RIMS2: variants seen among roughly 807,000 people sequenced by gnomAD.
RIMS2 encodes the protein regulating synaptic membrane exocytosis protein 2.
RIMS2 carries 59 observed loss-of-function variants against 174.4 expected under a neutral mutation model. That is an observed-to-expected ratio of 0.34 (90% confidence interval 0.27 to 0.42). RIMS2 has a LOEUF of 0.42. RIMS2 is among the 10% of genes least tolerant of loss of function. The probability of loss-of-function intolerance (pLI) is 1.00; values close to 1 mark genes in which losing one functional copy is unlikely to be tolerated. For synonymous variants in RIMS2, 606 were observed against 572.5 expected, an observed-to-expected ratio of 1.06 and a Z score of -0.84; for missense variants, 1,620 against 1,666.3, an observed-to-expected ratio of 0.97 and a Z score of 0.48.
chr8:104,009,977 TATGGATGGATAGATGG>T (rs977350280), intron 17 of RIMS2, among the ~76,000 whole-genome samples: 11 of 109,790 alleles, frequency 1.0e-4, no homozygotes, highest in South Asian at 3.4e-4. Flanking sequence ...TTGTGAAAGA[TATGGATGGATAGATGG>T]ATGGATGGAT....
intron 1 of RIMS2, among the ~76,000 whole-genome samples, chr8:103,516,667 A>ACTTTG (rs1455668723): frequency 5.3e-5 from 8 of 152,186 alleles, no homozygotes; most frequent in African/African-American, 1.9e-4. Context: ...TAGTATTCCT[A>ACTTTG]CATACTTTAT....
At chr8:103,833,271 C>T (rs1205290800) in intron 3 of RIMS2, among the ~76,000 whole-genome samples, 1 of 151,922 alleles carries the variant, frequency 6.6e-6, no homozygotes, top group East Asian at 1.9e-4. Flanking sequence ...AATTTGTTTT[C>T]TTTGGTTTCC....
At chr8:103,826,719 A>G (rs1009718759) in intron 3 of RIMS2, among the ~76,000 whole-genome samples, 1 of 150,076 alleles carries the variant, frequency 6.7e-6, no homozygotes, top group East Asian at 1.9e-4. Context: ...ATATACATAT[A>G]TATACTCTCT....
At chr8:104,054,434 T>C (rs2096837099) in intron 19 of RIMS2, among the ~76,000 whole-genome samples, 1 of 152,160 alleles carries the variant, frequency 6.6e-6, no homozygotes, top group Admixed American at 6.5e-5. Context: ...TTTCCTTTTT[T>C]CATTAAAAAT....
At chr8:103,568,476 C>G (rs2092555267) in intron 1 of RIMS2, 1 of 259,832 alleles carries the variant, frequency 3.8e-6, no homozygotes, top group African/African-American at 2.2e-5. Flanking sequence ...GGCTTACCAT[C>G]TAAATCTGAG....
At chr8:104,204,020 A>G (rs2099068095) in intron 19 of RIMS2, among the ~76,000 whole-genome samples, 2 of 152,336 alleles carry the variant, frequency 1.3e-5, no homozygotes, top group South Asian at 4.1e-4. Context: ...CCATGTGGCT[A>G]TAGCAGAAAT....
intron 19 of RIMS2, among the ~76,000 whole-genome samples, chr8:104,150,200 A>G (rs939398757): frequency 3.9e-5 from 6 of 152,194 alleles, no homozygotes; most frequent in Admixed American, 3.9e-4. Flanking sequence ...TAAAAAATAA[A>G]GTCTACTAAT....
intron 1 of RIMS2, among the ~76,000 whole-genome samples, chr8:103,565,706 A>C (rs955930714): frequency 6.6e-6 from 1 of 152,164 alleles, no homozygotes; most frequent in Non-Finnish European, 1.5e-5. Flanking sequence ...TAGGTCTACT[A>C]TACTGTTAAT....
chr8:104,172,050 A>G (rs2098835566), intron 19 of RIMS2, among the ~76,000 whole-genome samples: 1 of 151,808 alleles, frequency 6.6e-6, no homozygotes, highest in South Asian at 2.1e-4. Context: ...AGCTTATCTC[A>G]TTTTCTCATG....
At chr8:103,663,129 A>G (rs2096624409) in intron 1 of RIMS2, among the ~76,000 whole-genome samples, 1 of 151,880 alleles carries the variant, frequency 6.6e-6, no homozygotes, top group African/African-American at 2.4e-5. Context: ...AGATTACACC[A>G]CTGCACCCTA....
At chr8:103,623,546 G>A (rs1458740818) in intron 1 of RIMS2, among the ~76,000 whole-genome samples, 13 of 142,762 alleles carry the variant, frequency 9.1e-5, no homozygotes, top group Admixed American at 3.6e-4. Flanking sequence ...GTGCAGTGGC[G>A]CGATCTCGGC....
At chr8:103,804,262 A>T (rs757598237) in intron 3 of RIMS2, among the ~76,000 whole-genome samples, 1 of 152,180 alleles carries the variant, frequency 6.6e-6, no homozygotes, top group Admixed American at 6.5e-5. Context: ...TGTACACCCA[A>T]GAGAGAATGA....
intron 19 of RIMS2, among the ~76,000 whole-genome samples, chr8:104,135,942 G>A (rs1320316023): frequency 1.3e-5 from 2 of 152,158 alleles, no homozygotes; most frequent in East Asian, 3.9e-4. Context: ...GATACTGTTG[G>A]GGTAATCTTC....
At chr8:103,885,685 A>G (rs2099196442) in exon 4 of RIMS2, 1 of 1,613,152 alleles carries the variant, frequency 6.2e-7, no homozygotes, top group Non-Finnish European at 8.5e-7. Context: ...TGTCCCGAGC[A>G]CGGCATGAGA....
At chr8:103,740,522 T>G (rs1264317896) in intron 2 of RIMS2, among the ~76,000 whole-genome samples, 1 of 152,136 alleles carries the variant, frequency 6.6e-6, no homozygotes, top group Non-Finnish European at 1.5e-5. Flanking sequence ...AGTCTGGTGT[T>G]AGGTGATGGG....
At chr8:103,696,541 ATAT>A (rs1248320924) in intron 1 of RIMS2, among the ~76,000 whole-genome samples, 2 of 152,202 alleles carry the variant, frequency 1.3e-5, no homozygotes, top group African/African-American at 4.8e-5. Flanking sequence ...TTCCATAAAC[ATAT>A]TATATTAATT....
At chr8:103,814,556 A>T (rs12676673) in intron 3 of RIMS2, among the ~76,000 whole-genome samples, 23,913 of 152,124 alleles carry the variant, frequency 0.16, 1,991 homozygotes, top group Middle Eastern at 0.24. Flanking sequence ...AATTTGAATT[A>T]TTACAGAATT....
intron 3 of RIMS2, among the ~76,000 whole-genome samples, chr8:103,861,864 G>A (rs751899560): frequency 2.0e-5 from 3 of 152,038 alleles, no homozygotes; most frequent in Non-Finnish European, 4.4e-5. Flanking sequence ...TGAGTTCCAT[G>A]TAGATTCTAG....
intron 17 of RIMS2, chr8:103,998,356 T>C (rs990741307): frequency 1.0e-5 from 6 of 596,144 alleles, no homozygotes; most frequent in African/African-American, 9.8e-5. Flanking sequence ...ACATATATGG[T>C]TGTTAATGAA....
Sources: gnomAD v4.1 joint callset for allele counts (sites outside exome capture counted in the v4.1 genomes callset) on GRCh38, gnomAD v4.1.1 for gene constraint, MANE v1.5 for transcripts, NCBI Gene and HGNC (gene_info 2026-07-23, HGNC 2026-07-21) for gene names.